Variants in HNF4G observed in about 807,000 individuals in gnomAD.
HNF4G encodes hepatocyte nuclear factor 4-gamma.
Under a neutral mutation model 50.9 loss-of-function variants are expected in HNF4G, and 21 were observed. The observed-to-expected ratio is 0.41, with a 90% CI of 0.29 to 0.59. The LOEUF is 0.59. HNF4G is among the 20% of genes least tolerant of loss of function. The pLI is 0.26. For synonymous variants in HNF4G, 198 were observed against 185.6 expected, an observed-to-expected ratio of 1.07 and a Z score of -0.54; for missense variants, 527 against 559.4, an observed-to-expected ratio of 0.94 and a Z score of 0.58.
chr8:75,414,933 G>C (rs1810597073), intron 1 of HNF4G, among the ~76,000 whole-genome samples: 1 of 152,120 alleles, frequency 6.6e-6, no homozygotes, highest in African/African-American at 2.4e-5. Context: ...TGGATCATAG[G>C]CAAAGAATTA....
intron 6 of HNF4G, among the ~76,000 whole-genome samples, chr8:75,556,514 G>A (rs1807132500): frequency 6.6e-6 from 1 of 152,110 alleles, no homozygotes; most frequent in South Asian, 2.1e-4. Context: ...AAATGATCAA[G>A]TAAAAAAGTA....
intron 4 of HNF4G, 151 bp downstream of exon 4, chr8:75,551,645 G>A (rs1389484336): frequency 1.8e-6 from 1 of 545,144 alleles, no homozygotes; most frequent in African/African-American, 1.9e-5. Flanking sequence ...TTGAAAGTTT[G>A]AGTGGGACTG....
At chr8:75,422,160 A>T (rs577649380) in intron 1 of HNF4G, among the ~76,000 whole-genome samples, 1 of 152,290 alleles carries the variant, frequency 6.6e-6, no homozygotes, top group African/African-American at 2.4e-5. Flanking sequence ...GGGCGGGGAA[A>T]TAGGAAGGTA....
At chr8:75,476,103 C>T (rs1812233394) in intron 1 of HNF4G, among the ~76,000 whole-genome samples, 1 of 152,130 alleles carries the variant, frequency 6.6e-6, no homozygotes, top group Admixed American at 6.6e-5. Context: ...CTCCTGTTCT[C>T]CAATTTTTTT....
At chr8:75,441,276 T>C (rs1287886651) in intron 1 of HNF4G, among the ~76,000 whole-genome samples, 1 of 151,908 alleles carries the variant, frequency 6.6e-6, no homozygotes, top group Admixed American at 6.6e-5. Flanking sequence ...GACAGAGTCT[T>C]TCAATGTCAC....
chr8:75,557,704 GAA>G (rs1228937449), intron 6 of HNF4G, among the ~76,000 whole-genome samples: 1 of 152,048 alleles, frequency 6.6e-6, no homozygotes, highest in African/African-American at 2.4e-5. Flanking sequence ...TAAAGCTGGA[GAA>G]AAAAGAGTGA....
At chr8:75,479,746 T>G (rs1411061811) in intron 1 of HNF4G, among the ~76,000 whole-genome samples, 7 of 152,078 alleles carry the variant, frequency 4.6e-5, no homozygotes, top group Admixed American at 4.6e-4. Flanking sequence ...AAGGAAGATT[T>G]TACAAGCTGA....
chr8:75,420,886 T>C (rs1174577252), intron 1 of HNF4G, among the ~76,000 whole-genome samples: 3 of 152,164 alleles, frequency 2.0e-5, no homozygotes, highest in Non-Finnish European at 2.9e-5. Flanking sequence ...AACTTGAAAA[T>C]GTAAATTACA....
chr8:75,563,824 C>A, intron 9 of HNF4G, 151 bp from the exon 10 acceptor site: 4 of 762,414 alleles, frequency 5.2e-6, no homozygotes, highest in Non-Finnish European at 8.1e-6. Flanking sequence ...ACGTCATGGG[C>A]CAATAATGCA....
intron 1 of HNF4G, among the ~76,000 whole-genome samples, chr8:75,486,012 C>T (rs922275768): frequency 6.6e-6 from 1 of 152,158 alleles, no homozygotes; most frequent in Non-Finnish European, 1.5e-5. Flanking sequence ...CTCTAGCTGC[C>T]AACCATATCC....
chr8:75,501,458 G>T (rs1171974532), intron 2 of HNF4G, among the ~76,000 whole-genome samples: 1 of 152,016 alleles, frequency 6.6e-6, no homozygotes, highest in African/African-American at 2.4e-5. Flanking sequence ...AAAATGTTTG[G>T]TAACATTTGG....
At chr8:75,508,568 T>C (rs1406694237) in intron 2 of HNF4G, among the ~76,000 whole-genome samples, 4 of 152,196 alleles carry the variant, frequency 2.6e-5, no homozygotes, top group African/African-American at 9.7e-5. Flanking sequence ...TTTCAGCTAG[T>C]AGGTATACAG....
intron 1 of HNF4G, among the ~76,000 whole-genome samples, chr8:75,434,277 C>T (rs1811086707): frequency 6.6e-6 from 1 of 152,092 alleles, no homozygotes. Context: ...GCTGGGATTA[C>T]AGGCATGAGC....
intron 1 of HNF4G, among the ~76,000 whole-genome samples, chr8:75,476,130 A>C (rs1235790338): frequency 6.6e-6 from 1 of 151,992 alleles, no homozygotes; most frequent in South Asian, 2.1e-4. Context: ...TCCTGTGTCT[A>C]TTGTTTCCAT....
intron 1 of HNF4G, among the ~76,000 whole-genome samples, chr8:75,467,734 T>G (rs1812019115): frequency 6.6e-6 from 1 of 152,092 alleles, no homozygotes; most frequent in African/African-American, 2.4e-5. Flanking sequence ...ATCCATATAT[T>G]TTACTTCCTT....
chr8:75,415,008 A>G (rs2980249), intron 1 of HNF4G, among the ~76,000 whole-genome samples: 119,199 of 152,164 alleles, frequency 0.78, 47,096 homozygotes, highest in Middle Eastern at 0.84. Context: ...GAGAGTTTCA[A>G]TTTCTTTACA....
At chr8:75,559,628 A>G (rs1356112299) in intron 8 of HNF4G, among the ~76,000 whole-genome samples, 1 of 152,144 alleles carries the variant, frequency 6.6e-6, no homozygotes, top group African/African-American at 2.4e-5. Context: ...CCTCTGACTT[A>G]AATTTTCAGA....
chr8:75,515,405 G>C (rs1025976565), intron 2 of HNF4G, among the ~76,000 whole-genome samples: 3 of 152,086 alleles, frequency 2.0e-5, no homozygotes, highest in African/African-American at 7.2e-5. Flanking sequence ...CACACACACA[G>C]AGACACACAG....
At position 75,564,124 on chromosome 8, in the gene HNF4G, C is replaced by A. The variant is rs763404720; in HGVS notation, c.*28C>A. The A allele has an allele frequency of 4.4e-6, 7 of 1,608,790 alleles. No homozygotes were observed. The African/African-American group carries it at 9.4e-5, about 22-fold the overall frequency. ...ATGTGTTTACTTCAGAACGGCACTA[C>A]ATAAATGTGAAAAGTTGTTGATCTT... On this transcript the variant is annotated 3_prime_UTR_variant, in exon 10 of 10. Transcript: ENST00000396423.
Sources: gnomAD v4.1 joint callset for allele counts (sites outside exome capture counted in the v4.1 genomes callset) on GRCh38, gnomAD v4.1.1 for gene constraint, MANE v1.5 for transcripts, NCBI Gene and HGNC (gene_info 2026-07-23, HGNC 2026-07-21) for gene names.